The following CENPQ variants were observed in gnomAD, a reference collection of about 807,000 sequenced individuals.
CENPQ encodes centromere protein Q.
In CENPQ, 27 loss-of-function variants were observed where a neutral mutation model predicts 36.6. The observed-to-expected ratio is 0.74, with a 90% CI of 0.54 to 1.02. The LOEUF is 1.02. Ranked by LOEUF, CENPQ falls within the 50% of genes least tolerant of loss-of-function variation. The pLI, the probability that CENPQ is intolerant of heterozygous loss-of-function variation, is 0.00. For missense variants in CENPQ, 306 were observed against 301.8 expected, an observed-to-expected ratio of 1.01 and a Z score of -0.10; for synonymous variants, 101 against 101.7, an observed-to-expected ratio of 0.99 and a Z score of 0.04.
chr6:49,470,205 A>T lies in CENPQ; in HGVS notation c.29A>T (p.Lys10Ile). 6.2e-7 allele frequency: 1 copy of T among 1,611,246 alleles called. No homozygotes were observed. Among genetic ancestry groups the T allele is most frequent in the Non-Finnish European group, 8.5e-7 (1 of 1,178,296 alleles). Residue 10 changes from lysine to isoleucine, a missense_variant, in exon 2 of 9, where the codon AAA becomes ATA. Coordinates refer to ENST00000335783, the MANE Select transcript of CENPQ (RefSeq NM_018132.4). MSGKANASK[K>I]NAQQLKRNPK... is the part of the protein sequence containing the mutation. ...TCTGGTAAAGCAAATGCTTCCAAGA[A>T]AAACGCTCAACAGTTAAAAAGAAAT... is the stretch of plus-strand genomic sequence containing the variant.
chr6:49,486,040 G>A (rs902007309), intron 6 of CENPQ, among the ~76,000 whole-genome samples: 2 of 152,020 alleles, frequency 1.3e-5, no homozygotes, highest in South Asian at 2.1e-4. Context: ...TCACGGGTAC[G>A]TCCTAAATCC....
chr6:49,465,141 T>G lies in CENPQ; in HGVS notation c.-19+1688T>G, dbSNP rs148974272. Among the ~76,000 whole-genome samples, 399 of 152,352 alleles carry G rather than the reference T, an allele frequency of 2.6e-3. 2 individuals carry two copies. The highest frequency in any genetic ancestry group is 9.2e-3 in the African/African-American group (383 of 41,584). The stretch of plus-strand genomic sequence containing the variant: ...AGCAGACATGAAAACAGCATTAATC[T>G]CCTTGTACATCTCTATCAGAGCTCT... On this transcript the variant is annotated intron_variant, in intron 1 of 8. Transcript: ENST00000335783.
intron 6 of CENPQ, among the ~76,000 whole-genome samples, chr6:49,482,842 G>T (rs1158381293): frequency 1.3e-5 from 2 of 152,118 alleles, no homozygotes; most frequent in Non-Finnish European, 2.9e-5. Flanking sequence ...TCCGGAGTTT[G>T]TTCCTCCCAG....
intron 3 of CENPQ, 125 bp from the exon 4 acceptor site, chr6:49,471,938 A>C: frequency 9.3e-7 from 1 of 1,075,990 alleles, no homozygotes; most frequent in Non-Finnish European, 1.3e-6. Context: ...TAAACAGTTT[A>C]TACAGCTTTA....
intron 1 of CENPQ, among the ~76,000 whole-genome samples, chr6:49,469,534 T>C (rs1013903560): frequency 6.6e-6 from 1 of 152,166 alleles, no homozygotes; most frequent in Non-Finnish European, 1.5e-5. Flanking sequence ...TCCAATCCCA[T>C]GTCTGTTTTG....
At chr6:49,466,618 C>G (rs1768005624) in intron 1 of CENPQ, among the ~76,000 whole-genome samples, 1 of 152,162 alleles carries the variant, frequency 6.6e-6, no homozygotes, top group Non-Finnish European at 1.5e-5. Flanking sequence ...TCCCTTGGAT[C>G]TAAGAATGGG....
At position 49,488,594 on chromosome 6, in the gene CENPQ, T is replaced by G. The variant is rs369521294; in HGVS notation, c.598-13T>G. 3.1e-6 allele frequency: 5 copies of G among 1,609,666 alleles called. No individual in the cohort carries two copies. Among genetic ancestry groups the G allele is most frequent in the Non-Finnish European group, 4.3e-6 (5 of 1,176,332 alleles). ...AGCTTTTTGAAATAATCTGTAGCTT[T>G]CTTCTACTTTAGATGCATCAAATAA... On this transcript the variant is annotated splice_polypyrimidine_tract_variant and intron_variant, in intron 7 of 8. Transcript: ENST00000335783.
rs1396094846 is a variant in CENPQ, at chr6:49,475,715, C to A, written c.347+2857C>A. ...AAAATCTCCTTAAGCTGATAAGCAACTTCAGCAAAATCTCAGGATACAAAA... is the reference window on the plus strand; with the variant it reads ...AAAATCTCCTTAAGCTGATAAGCAAATTCAGCAAAATCTCAGGATACAAAA... On this transcript the variant is annotated intron_variant, in intron 5 of 8. Transcript: ENST00000335783. Among the ~76,000 whole-genome samples, 3 of 152,166 alleles carry A rather than the reference C, an allele frequency of 2.0e-5. No individual in the cohort carries two copies. The East Asian group carries it at 5.8e-4, about 29-fold the overall frequency.
At chr6:49,489,374 A>G (rs991445344) in intron 8 of CENPQ, among the ~76,000 whole-genome samples, 3 of 152,226 alleles carry the variant, frequency 2.0e-5, no homozygotes, top group African/African-American at 7.2e-5. Flanking sequence ...GATTGCAGCA[A>G]TTCAGGTACA....
rs745992671 is a variant in CENPQ at position 49,471,039 on chromosome 6, T to C, written c.157+11T>C. On this transcript the variant is annotated intron_variant, in intron 3 of 8. Transcript: ENST00000335783. Reference sequence around the variant, plus strand: ...ATCTGTCTTCTGAAGGTATTTCTTTTCTATTACCTTGTTTAACCTGCTTCT... The same window carrying C: ...ATCTGTCTTCTGAAGGTATTTCTTTCCTATTACCTTGTTTAACCTGCTTCT... 6 of 1,466,250 alleles carry C rather than the reference T, an allele frequency of 4.1e-6. No individual in the cohort carries two copies. The highest frequency in any genetic ancestry group is 3.7e-6 in the Non-Finnish European group (4 of 1,087,102). 90.8% of individuals were successfully genotyped at this position (1,466,250 alleles called of 1,614,324 possible).
In CENPQ at chr6:49,470,984, C is replaced by A; in HGVS notation, c.113C>A (p.Thr38Lys). 1.3e-6 allele frequency: 2 copies of A among 1,518,966 alleles called. No homozygotes were observed. The highest frequency in any genetic ancestry group is 8.9e-7 in the Non-Finnish European group (1 of 1,127,080). The allele number at this position is 1,518,966 out of a possible 1,614,324, so 94.1% of individuals were successfully genotyped here. A position where few individuals can be genotyped will look rare whatever the true frequency, so the allele number is the denominator to read the frequency against. Reference sequence around the variant, plus strand: ...TGTTTTTCCCTCTAGGTTAGAAACACAGTGAAAAAAAATAAAAATCATCTG... The same window carrying A: ...TGTTTTTCCCTCTAGGTTAGAAACAAAGTGAAAAAAAATAAAAATCATCTG... Reference protein sequence around the residue: ...VVLSENKVRNTVKKNKNHLKD... With the variant: ...VVLSENKVRNKVKKNKNHLKD... The change falls in exon 3 of 9, where the codon ACA (threonine) becomes AAA (lysine). Residue 38 changes from threonine to lysine, a missense_variant. Transcript: ENST00000335783.
chr6:49,486,411 A>G (rs541576060), intron 6 of CENPQ, among the ~76,000 whole-genome samples: 1 of 152,338 alleles, frequency 6.6e-6, no homozygotes, highest in East Asian at 1.9e-4. Context: ...CTTAGATCCT[A>G]CAACCAATTC....
intron 1 of CENPQ, among the ~76,000 whole-genome samples, chr6:49,464,516 G>GTT: frequency 6.6e-6 from 1 of 152,218 alleles, no homozygotes; most frequent in Non-Finnish European, 1.5e-5. Flanking sequence ...TCTGTAGCAT[G>GTT]TGATGCTGTT....
chr6:49,478,771 G>T (rs1296033383), intron 5 of CENPQ, among the ~76,000 whole-genome samples: 1 of 152,118 alleles, frequency 6.6e-6, no homozygotes, highest in African/African-American at 2.4e-5. Context: ...ACACAGACAA[G>T]TTTGCTAGGC....
rs115462391 is a variant in CENPQ, at chr6:49,466,569, T to A, written c.-19+3116T>A. Among the ~76,000 whole-genome samples the A allele has an allele frequency of 9.8e-3, 1,486 of 152,352 alleles. 21 individuals are homozygous for A. Among genetic ancestry groups the A allele is most frequent in the African/African-American group, 0.034 (1,408 of 41,584 alleles). The stretch of plus-strand genomic sequence containing the variant: ...TAAATACACATAGTAATTATTTTCA[T>A]ATCTGTCTCTACCTGTGCACTATCA... On this transcript the variant is annotated intron_variant, in intron 1 of 8. Coordinates refer to ENST00000335783, the MANE Select transcript of CENPQ (RefSeq NM_018132.4).
intron 8 of CENPQ, among the ~76,000 whole-genome samples, chr6:49,489,116 T>C (rs1424641290): frequency 1.3e-5 from 2 of 152,162 alleles, no homozygotes; most frequent in Admixed American, 1.3e-4. Flanking sequence ...TCACGAAAGT[T>C]TTCCCTGTAG....
At chr6:49,488,326 ATGT>A (rs1768637104) in intron 6 of CENPQ, 23 bp from the exon 7 acceptor site, 1 of 1,542,466 alleles carries the variant, frequency 6.5e-7, no homozygotes, top group African/African-American at 1.4e-5. Flanking sequence ...TTAAGTTAAA[ATGT>A]TTTTTTTCTC....
At chr6:49,486,989 A>C (rs1011009191) in intron 6 of CENPQ, among the ~76,000 whole-genome samples, 2 of 150,864 alleles carry the variant, frequency 1.3e-5, no homozygotes, top group Non-Finnish European at 1.5e-5. Flanking sequence ...TCTACTTACA[A>C]TACAGAAAAA....
chr6:49,470,954 G>T lies in CENPQ; in HGVS notation c.103-20G>T, dbSNP rs752878598. The T allele has an allele frequency of 3.6e-6, 5 of 1,404,536 alleles. No homozygotes were observed. Among genetic ancestry groups the T allele is most frequent in the Non-Finnish European group, 3.8e-6 (4 of 1,042,564 alleles). 87.0% of individuals were successfully genotyped at this position (1,404,536 alleles called of 1,614,324 possible). A position where few individuals can be genotyped will look rare whatever the true frequency, so the allele number is the denominator to read the frequency against. ...GATGTTTAATTCTGTTTATGTTTAT[G>T]CATGTGTTTTTCCCTCTAGGTTAGA... On this transcript the variant is annotated intron_variant, in intron 2 of 8. Transcript: ENST00000335783.
Sources: gnomAD v4.1 joint callset for allele counts (sites outside exome capture counted in the v4.1 genomes callset) on GRCh38, gnomAD v4.1.1 for gene constraint, MANE v1.5 for transcripts, NCBI Gene and HGNC (gene_info 2026-07-23, HGNC 2026-07-21) for gene names.